NAV1: variants seen among roughly 807,000 people sequenced by gnomAD.
The protein encoded by NAV1 is pore membrane and/or filament interacting like protein 3.
A neutral mutation model predicts 175.2 loss-of-function variants in NAV1; 18 were observed. The observed-to-expected ratio is 0.10, with a 90% CI of 0.07 to 0.15. The LOEUF (loss-of-function observed/expected upper bound fraction) is 0.15. Among genes scored for constraint, NAV1 ranks in the 10% least tolerant of loss-of-function variants. The pLI is 1.00. For missense variants in NAV1, 1,731 were observed against 2,436.6 expected (o/e 0.71, Z 6.10); for synonymous variants, 897 against 978.7 (o/e 0.92, Z 1.56).
At chr1:201,796,918 G>A (rs1035082749) in intron 15 of NAV1, 1 of 152,186 alleles carries the variant, frequency 6.6e-6, no homozygotes, top group Non-Finnish European at 1.5e-5. Context: ...TTGAAAAATA[G>A]TTTCTCTCAT....
chr1:201,720,690 T>C (rs1237983759), intron 3 of NAV1, among the ~76,000 whole-genome samples: 1 of 152,276 alleles, frequency 6.6e-6, no homozygotes, highest in Non-Finnish European at 1.5e-5. Flanking sequence ...GTAGAACTTA[T>C]CTCAGGGTTC....
At chr1:201,628,556 C>T (rs1668401446) in intron 1 of NAV1, among the ~76,000 whole-genome samples, 1 of 152,160 alleles carries the variant, frequency 6.6e-6, no homozygotes, top group Non-Finnish European at 1.5e-5. Flanking sequence ...GCACTGGAGA[C>T]TCTCAGGGTT....
intron 1 of NAV1, among the ~76,000 whole-genome samples, chr1:201,704,575 C>T (rs565518769): frequency 3.9e-5 from 6 of 152,222 alleles, no homozygotes; most frequent in African/African-American, 1.2e-4. Context: ...GGACACTTTG[C>T]GTAGCCACTT....
intron 1 of NAV1, among the ~76,000 whole-genome samples, chr1:201,678,371 C>G (rs1228259013): frequency 1.3e-5 from 2 of 152,194 alleles, no homozygotes; most frequent in Admixed American, 1.3e-4. Context: ...GTGCAAGAAA[C>G]TGAACTAAGC....
intron 2 of NAV1, among the ~76,000 whole-genome samples, chr1:201,610,583 A>G (rs964179738): frequency 9.2e-5 from 14 of 152,204 alleles, no homozygotes; most frequent in African/African-American, 3.4e-4. Context: ...TGAGATCTCC[A>G]TGTCCTGCCT....
At chr1:201,631,031 G>A (rs1019770965) in intron 2 of NAV1, among the ~76,000 whole-genome samples, 1 of 152,226 alleles carries the variant, frequency 6.6e-6, no homozygotes, top group African/African-American at 2.4e-5. Flanking sequence ...TCACTGGTTA[G>A]ATGTGAAACT....
At chr1:201,635,530 C>A (rs1319159992) in intron 2 of NAV1, among the ~76,000 whole-genome samples, 2 of 152,142 alleles carry the variant, frequency 1.3e-5, no homozygotes, top group East Asian at 3.9e-4. Flanking sequence ...TGGAGAAGCC[C>A]CAGCTCTGGA....
At chr1:201,768,234 C>T (rs1675333664) in intron 3 of NAV1, among the ~76,000 whole-genome samples, 1 of 149,722 alleles carries the variant, frequency 6.7e-6, no homozygotes. Context: ...GAGGCTGAGG[C>T]AGGAGAATCA....
chr1:201,656,972 A>C (rs1194213798), intron 1 of NAV1, among the ~76,000 whole-genome samples: 1 of 152,174 alleles, frequency 6.6e-6, no homozygotes, highest in Admixed American at 6.5e-5. Flanking sequence ...CTTTTGGGGA[A>C]GCTGGCAGCC....
At chr1:201,588,410 C>A (rs964997393) in intron 1 of NAV1, among the ~76,000 whole-genome samples, 129 bp from the exon 2 acceptor site, 3 of 151,546 alleles carry the variant, frequency 2.0e-5, no homozygotes, top group Admixed American at 2.0e-4. Flanking sequence ...TGCAGTGACA[C>A]AATCATAGCT....
In NAV1 at chr1:201,718,294, T is replaced by C. The variant is rs1672220929; in HGVS notation, c.861-96T>C. The C allele has an allele frequency of 6.8e-6, 9 of 1,329,382 alleles. No homozygotes were observed. In the South Asian group the frequency reaches 1.9e-4, roughly 28 times the overall value. The allele number at this position is 1,329,382 out of a possible 1,614,324, so 82.3% of individuals were successfully genotyped here. A position where few individuals can be genotyped will look rare whatever the true frequency, so the allele number is the denominator to read the frequency against. ...GGTGGGGAGGAGGTGACAGGGCCTG[T>C]GGGTGGAGGGGAGGCATTGCTGGGG... On this transcript the variant is annotated intron_variant, in intron 2 of 29. Coordinates refer to ENST00000367296, the Ensembl canonical transcript of NAV1. The surrounding 1 kb of genome is among the most constrained non-coding windows in gnomAD (Gnocchi z 4.8).
intron 1 of NAV1, among the ~76,000 whole-genome samples, chr1:201,685,876 G>A (rs1454720564): frequency 6.6e-6 from 1 of 152,186 alleles, no homozygotes; most frequent in African/African-American, 2.4e-5. Flanking sequence ...GGCTGGAATT[G>A]TGATGATACA....
intron 1 of NAV1, among the ~76,000 whole-genome samples, chr1:201,678,318 C>A (rs1002816278): frequency 6.6e-6 from 1 of 152,214 alleles, no homozygotes; most frequent in African/African-American, 2.4e-5. Flanking sequence ...CTGAAAGCTG[C>A]TGATAGCGCT....
chr1:201,563,522 A>G (rs766377841), intron 1 of NAV1, among the ~76,000 whole-genome samples: 1 of 152,076 alleles, frequency 6.6e-6, no homozygotes, highest in Non-Finnish European at 1.5e-5. Context: ...ATCCCTCCAC[A>G]TCAGAGGTAA....
chr1:201,606,572 G>A (rs1327793168), intron 2 of NAV1, among the ~76,000 whole-genome samples: 5 of 152,204 alleles, frequency 3.3e-5, no homozygotes, highest in African/African-American at 1.2e-4. Context: ...AAAGACTGCA[G>A]TCCTGGTATT....
chr1:201,763,443 T>G (rs1476771959), intron 3 of NAV1, among the ~76,000 whole-genome samples: 1 of 152,204 alleles, frequency 6.6e-6, no homozygotes, highest in Non-Finnish European at 1.5e-5. Flanking sequence ...ATTTCCTGAC[T>G]TGGAAACATC....
intron 2 of NAV1, among the ~76,000 whole-genome samples, chr1:201,641,667 C>T (rs764319870): frequency 5.9e-5 from 9 of 152,140 alleles, no homozygotes; most frequent in African/African-American, 1.7e-4. Flanking sequence ...GCAGAGAAAA[C>T]GTATAGAAAA....
upstream of NAV1, among the ~76,000 whole-genome samples, chr1:201,646,854 G>A (rs75199993): frequency 0.019 from 2,908 of 152,270 alleles, 95 homozygotes; most frequent in African/African-American, 0.066. Flanking sequence ...CTGCGCTGGC[G>A]GGGGAGACAG....
At chr1:201,641,203 A>G (rs557863240) in intron 2 of NAV1, among the ~76,000 whole-genome samples, 1 of 152,134 alleles carries the variant, frequency 6.6e-6, no homozygotes, top group East Asian at 1.9e-4. Context: ...TTTCCCACAC[A>G]CCCACATTTG....
Sources: allele counts gnomAD v4.1 joint callset (sites outside exome capture counted in the v4.1 genomes callset), GRCh38; gene constraint gnomAD v4.1.1; non-coding constraint Gnocchi (gnomAD v3.1); transcripts MANE v1.5; gene names NCBI Gene and HGNC (gene_info 2026-07-23, HGNC 2026-07-21).